KCNT2: variants seen among roughly 807,000 people sequenced by gnomAD.
KCNT2 encodes the protein potassium channel subfamily T member 2.
In KCNT2, 67 loss-of-function variants were observed where a neutral mutation model predicts 153.8. The observed-to-expected ratio is 0.44, with a 90% CI of 0.36 to 0.53. KCNT2 has a LOEUF of 0.53. Among genes scored for constraint, KCNT2 ranks in the 20% least tolerant of loss-of-function variants. The probability of loss-of-function intolerance (pLI) is 0.00; values close to 1 mark genes in which losing one functional copy is unlikely to be tolerated. For synonymous variants in KCNT2, 500 were observed against 458.8 expected (o/e 1.09, Z -1.15); for missense variants, 975 against 1,354.8 (o/e 0.72, Z 4.40).
At chr1:196,603,445 T>C (rs772366638) in intron 1 of KCNT2, among the ~76,000 whole-genome samples, 3 of 152,198 alleles carry the variant, frequency 2.0e-5, no homozygotes, top group African/African-American at 4.8e-5. Context: ...ATGTTTAATA[T>C]GTCAATACAA....
intron 25 of KCNT2, among the ~76,000 whole-genome samples, chr1:196,261,170 G>A (rs541693251): frequency 6.6e-6 from 1 of 151,878 alleles, no homozygotes; most frequent in South Asian, 2.1e-4. Flanking sequence ...TATAGTGCTG[G>A]ATACACAACA....
intron 13 of KCNT2, among the ~76,000 whole-genome samples, chr1:196,380,510 A>G (rs1669384333): frequency 6.6e-6 from 1 of 152,184 alleles, no homozygotes; most frequent in Non-Finnish European, 1.5e-5. Flanking sequence ...TCTTCCATGC[A>G]GTTGCTAGGT....
intron 22 of KCNT2, among the ~76,000 whole-genome samples, chr1:196,289,229 A>G (rs1234011111): frequency 1.3e-5 from 2 of 151,760 alleles, no homozygotes; most frequent in Non-Finnish European, 2.9e-5. Flanking sequence ...CTAAAATATT[A>G]CCTCCCCAAA....
chr1:196,453,330 T>C lies in KCNT2; in HGVS notation c.638+11963A>G, dbSNP rs567124787. ...AGGTGGTCGCAGCAACATTGAGGGA[T>C]GCTTTTTGACTCCTTGGATCTCCAA... On this transcript the variant is annotated intron_variant, in intron 8 of 27. Transcript: ENST00000294725. Among the ~76,000 whole-genome samples the C allele has an allele frequency of 7.2e-5, 11 of 151,966 alleles. No individual in the cohort carries two copies. The South Asian group carries it at 1.5e-3, about 20-fold the overall frequency.
At chr1:196,558,564 C>A (rs146060056) in intron 1 of KCNT2, among the ~76,000 whole-genome samples, 27 of 151,198 alleles carry the variant, frequency 1.8e-4, no homozygotes, top group Non-Finnish European at 3.1e-4. Flanking sequence ...TAGTGTCTTC[C>A]GAAACCTGGC....
intron 25 of KCNT2, among the ~76,000 whole-genome samples, chr1:196,261,373 C>T (rs1032230618): frequency 6.6e-5 from 10 of 151,852 alleles, no homozygotes; most frequent in South Asian, 2.1e-4. Context: ...TCTATTATTA[C>T]ATTACTACTT....
intron 5 of KCNT2, among the ~76,000 whole-genome samples, chr1:196,470,064 T>G (rs1050141935): frequency 2.0e-5 from 3 of 152,148 alleles, no homozygotes; most frequent in Non-Finnish European, 4.4e-5. Context: ...ACTAAGAAAT[T>G]AAGTAATAGG....
intron 1 of KCNT2, among the ~76,000 whole-genome samples, chr1:196,570,471 T>C (rs1197596309): frequency 6.6e-6 from 1 of 152,092 alleles, no homozygotes; most frequent in Non-Finnish European, 1.5e-5. Flanking sequence ...TCCCAACACT[T>C]TCATATCACA....
intron 1 of KCNT2, among the ~76,000 whole-genome samples, chr1:196,522,738 T>C (rs567849045): frequency 6.6e-6 from 1 of 152,148 alleles, no homozygotes; most frequent in Admixed American, 6.6e-5. Context: ...ATCAGCACTA[T>C]GTGTCTAGCT....
At chr1:196,356,055 CAT>C (rs1667148208) in intron 14 of KCNT2, among the ~76,000 whole-genome samples, 1 of 151,714 alleles carries the variant, frequency 6.6e-6, no homozygotes, top group Non-Finnish European at 1.5e-5. Flanking sequence ...AATACTTAGA[CAT>C]GTAGGAACTT....
At chr1:196,278,547 C>T (rs1193372495) in intron 25 of KCNT2, among the ~76,000 whole-genome samples, 1 of 152,118 alleles carries the variant, frequency 6.6e-6, no homozygotes, top group African/African-American at 2.4e-5. Flanking sequence ...GCAGAGTTGA[C>T]TAAATGTAGT....
At chr1:196,343,703 G>T (rs1665881125) in intron 14 of KCNT2, among the ~76,000 whole-genome samples, 1 of 152,042 alleles carries the variant, frequency 6.6e-6, no homozygotes, top group African/African-American at 2.4e-5. Context: ...AAGAGCCTGG[G>T]CCCTGGAGTT....
At chr1:196,371,377 C>T (rs887684659) in intron 14 of KCNT2, among the ~76,000 whole-genome samples, 1 of 151,672 alleles carries the variant, frequency 6.6e-6, no homozygotes, top group African/African-American at 2.4e-5. Flanking sequence ...TAGGGTGATG[C>T]TAAAGGGTAG....
In KCNT2 at chr1:196,608,430, A is replaced by T; in HGVS notation, c.-121T>A. 1 of 715,006 alleles carries T rather than the reference A, an allele frequency of 1.4e-6. No individual in the cohort carries two copies. Among genetic ancestry groups the T allele is most frequent in the Non-Finnish European group, 2.4e-6 (1 of 408,332 alleles). 44.3% of individuals were successfully genotyped at this position (715,006 alleles called of 1,614,324 possible). A position where few individuals can be genotyped will look rare whatever the true frequency, so the allele number is the denominator to read the frequency against. On this transcript the variant is annotated 5_prime_UTR_variant, in exon 1 of 28. Coordinates refer to ENST00000294725, the MANE Select transcript of KCNT2 (RefSeq NM_198503.5). ...ACGCTGTGGCCGAGAGAGGGATGGG[A>T]GAAGGGGAAGGGGACAGGGAGGGGG... is the stretch of plus-strand genomic sequence containing the variant.
At chr1:196,492,229 T>C (rs1426355268) in intron 2 of KCNT2, 33 bp downstream of exon 2, 1 of 1,384,252 alleles carries the variant, frequency 7.2e-7, no homozygotes, top group Non-Finnish European at 9.5e-7. Flanking sequence ...TAAATATATG[T>C]ACGAACAGAG....
chr1:196,339,112 T>C lies in KCNT2; in HGVS notation c.1783+1229A>G, dbSNP rs369632107. 1.2e-4 allele frequency among the ~76,000 whole-genome samples: 19 copies of C among 152,016 alleles called. No individual in the cohort carries two copies. The East Asian group carries it at 1.7e-3, about 14-fold the overall frequency. ...GACAGTTCGCGTTGCTGTAAAGAGA[T>C]GTTGAGTTAATGCTTTAGACAGAGG... On this transcript the variant is annotated intron_variant, in intron 16 of 27. Transcript: ENST00000294725.
intron 26 of KCNT2, among the ~76,000 whole-genome samples, chr1:196,239,744 A>C (rs1468716343): frequency 6.6e-6 from 1 of 152,028 alleles, no homozygotes. Context: ...TATAGACTGA[A>C]TTGTGTGTTC....
chr1:196,307,295 G>A (rs2147987173), intron 21 of KCNT2, among the ~76,000 whole-genome samples: 1 of 152,112 alleles, frequency 6.6e-6, no homozygotes, highest in East Asian at 1.9e-4. Flanking sequence ...TGCCTGAAAT[G>A]CCATTTCTTT....
intron 1 of KCNT2, among the ~76,000 whole-genome samples, chr1:196,543,288 A>C (rs924385701): frequency 5.3e-5 from 8 of 152,160 alleles, no homozygotes; most frequent in African/African-American, 1.9e-4. Context: ...TTAACATTTT[A>C]ACACACTGCA....
Sources: allele counts gnomAD v4.1 joint callset (sites outside exome capture counted in the v4.1 genomes callset), GRCh38; gene constraint gnomAD v4.1.1; transcripts MANE v1.5; gene names NCBI Gene and HGNC (gene_info 2026-07-23, HGNC 2026-07-21).